IGF1: variants seen among roughly 807,000 people sequenced by gnomAD.
The protein encoded by IGF1 is insulin like growth factor 1.
IGF1 carries 4 observed loss-of-function variants against 13.8 expected under a neutral mutation model. The observed-to-expected ratio is 0.29, with a 90% confidence interval of 0.14 to 0.66. IGF1 has a LOEUF of 0.66. Ranked by LOEUF, IGF1 falls within the 30% of genes least tolerant of loss-of-function variation. The pLI, the probability that IGF1 is intolerant of heterozygous loss-of-function variation, is 0.78. For synonymous variants in IGF1, 76 were observed against 72.6 expected, an observed-to-expected ratio of 1.05 and a Z score of -0.23; for missense variants, 124 against 188.5, an observed-to-expected ratio of 0.66 and a Z score of 2.00.
intron 2 of IGF1, among the ~76,000 whole-genome samples, chr12:102,423,441 A>T (rs1875924661): frequency 6.6e-6 from 1 of 152,102 alleles, no homozygotes; most frequent in Non-Finnish European, 1.5e-5. Flanking sequence ...CAAAGTCTTG[A>T]CATTAAAAAT....
chr12:102,434,979 G>A (rs1049225702), intron 2 of IGF1, among the ~76,000 whole-genome samples: 2 of 152,192 alleles, frequency 1.3e-5, no homozygotes, highest in African/African-American at 4.8e-5. Context: ...CACAACCATG[G>A]ATAGAAAATA....
intron 2 of IGF1, among the ~76,000 whole-genome samples, chr12:102,436,482 T>C (rs1047106647): frequency 6.6e-6 from 1 of 152,180 alleles, no homozygotes; most frequent in Non-Finnish European, 1.5e-5. Context: ...AAACCTATCC[T>C]TCCTATGCCT....
At position 102,475,543 on chromosome 12, in the gene IGF1, C is replaced by T. The variant is rs146548772; in HGVS notation, c.220+100G>A. The stretch of plus-strand genomic sequence containing the variant: ...AGAGGCCTAGGATGGCTGCCAGATA[C>T]GGGCACTCATTCAGTTATTCACACA... On this transcript the variant is annotated intron_variant, in intron 2 of 3. Transcript: ENST00000337514. 89 of 1,341,714 alleles carry T rather than the reference C, an allele frequency of 6.6e-5. No homozygotes were observed. The East Asian group carries it at 1.3e-3, about 19-fold the overall frequency. 83.1% of individuals were successfully genotyped at this position (1,341,714 alleles called of 1,614,324 possible). A position where few individuals can be genotyped will look rare whatever the true frequency, so the allele number is the denominator to read the frequency against.
intron 2 of IGF1, chr12:102,463,080 C>G (rs1244918480): frequency 1.3e-5 from 2 of 152,144 alleles, no homozygotes; most frequent in East Asian, 3.8e-4. Context: ...TTATATGTTT[C>G]AGGAATAACA....
At chr12:102,462,057 C>G (rs1879939898) in intron 2 of IGF1, among the ~76,000 whole-genome samples, 1 of 152,138 alleles carries the variant, frequency 6.6e-6, no homozygotes, top group South Asian at 2.1e-4. Context: ...GGTCAGGGCC[C>G]CTGACTCTGC....
At chr12:102,458,747 A>AAAAAAAAAAAAAAAAAAAAAAAAG (rs1879655098) in intron 2 of IGF1, among the ~76,000 whole-genome samples, 1 of 146,452 alleles carries the variant, frequency 6.8e-6, no homozygotes, top group Admixed American at 6.9e-5. Context: ...AAAAAAAAAA[A>AAAAAAAAAAAAAAAAAAAAAAAAG]CCAAAAACAA....
At chr12:102,469,811 G>A (rs1490708103) in intron 2 of IGF1, among the ~76,000 whole-genome samples, 1 of 152,018 alleles carries the variant, frequency 6.6e-6, no homozygotes, top group African/African-American at 2.4e-5. Context: ...TTTGTCCCAT[G>A]AAGCAATAAT....
chr12:102,477,085 A>T (rs1239706045), intron 1 of IGF1, among the ~76,000 whole-genome samples: 2 of 151,932 alleles, frequency 1.3e-5, no homozygotes, highest in Non-Finnish European at 1.5e-5. Flanking sequence ...ATTTTTTTTG[A>T]ACCTCAGAGT....
At chr12:102,418,267 G>A (rs553445571) in intron 3 of IGF1, among the ~76,000 whole-genome samples, 1 of 152,216 alleles carries the variant, frequency 6.6e-6, no homozygotes, top group Admixed American at 6.5e-5. Context: ...CAGCAAGCAC[G>A]CTTTCCTGCC....
chr12:102,431,064 C>G (rs527707089), intron 2 of IGF1, among the ~76,000 whole-genome samples: 11 of 152,296 alleles, frequency 7.2e-5, no homozygotes, highest in South Asian at 2.1e-4. Context: ...TCATCTCCCC[C>G]ATCTGGGTTA....
intron 2 of IGF1, among the ~76,000 whole-genome samples, chr12:102,454,077 C>A (rs996572855): frequency 7.2e-5 from 11 of 152,078 alleles, no homozygotes; most frequent in Non-Finnish European, 1.5e-5. Flanking sequence ...TAGCCTAACA[C>A]CCAAACAACT....
At chr12:102,406,763 A>G (rs1204418737) in intron 3 of IGF1, among the ~76,000 whole-genome samples, 1 of 152,114 alleles carries the variant, frequency 6.6e-6, no homozygotes, top group Non-Finnish European at 1.5e-5. Flanking sequence ...CCAAGCTCCA[A>G]GCTTTCCTTT....
Position 102,427,240 on chromosome 12 carries a change from A to G in IGF1, c.221-7550T>C, listed in dbSNP as rs114072094. ...TTTTTAGAAAGACTGACACAACTGT[A>G]AGCTGAGACTGGCTCCAGCTTGGAG... On this transcript the variant is annotated intron_variant, in intron 2 of 3. Coordinates refer to ENST00000337514, the MANE Select transcript of IGF1 (RefSeq NM_000618.5). Among the ~76,000 whole-genome samples the G allele has an allele frequency of 9.6e-3, 1,456 of 152,198 alleles. 29 individuals are homozygous for G. Among genetic ancestry groups the G allele is most frequent in the African/African-American group, 0.034 (1,406 of 41,510 alleles).
intron 1 of IGF1, among the ~76,000 whole-genome samples, chr12:102,477,599 C>A (rs1160540420): frequency 1.3e-5 from 2 of 149,772 alleles, no homozygotes; most frequent in Non-Finnish European, 3.0e-5. Context: ...CATTGGAAAC[C>A]TCAACAAATC....
chr12:102,449,270 C>T (rs1878686662), intron 2 of IGF1, among the ~76,000 whole-genome samples: 1 of 151,792 alleles, frequency 6.6e-6, no homozygotes, highest in Admixed American at 6.6e-5. Context: ...AAGCTGAAAA[C>T]CATTCTCAGC....
rs17881987 is a variant in IGF1 at position 102,398,022 on chromosome 12, TA to T, written c.*4484del. 4,055 of 124,442 alleles carry T rather than the reference TA, an allele frequency of 0.033. 74 individuals carry two copies. Among genetic ancestry groups the T allele is most frequent in the African/African-American group, 0.049 (1,651 of 33,654 alleles). The allele number at this position is 124,442 out of a possible 1,614,324, so 7.7% of individuals were successfully genotyped here. A position where few individuals can be genotyped will look rare whatever the true frequency, so the allele number is the denominator to read the frequency against. ...TAACTTATTATTCCTCATTCTGATA[TA>T]AAAAAAGAAGAAAAGAACCAAGTCA... On this transcript the variant is annotated 3_prime_UTR_variant, in exon 4 of 4. Coordinates refer to ENST00000337514, the MANE Select transcript of IGF1 (RefSeq NM_000618.5).
At chr12:102,468,528 C>T (rs1244861085) in intron 2 of IGF1, among the ~76,000 whole-genome samples, 5 of 152,370 alleles carry the variant, frequency 3.3e-5, no homozygotes, top group Admixed American at 2.6e-4. Context: ...AGGCATACAA[C>T]TTACTGCAGT....
At chr12:102,462,048 G>T (rs1321166883) in intron 2 of IGF1, among the ~76,000 whole-genome samples, 1 of 152,160 alleles carries the variant, frequency 6.6e-6, no homozygotes, top group East Asian at 1.9e-4. Flanking sequence ...TTGGTTTGGG[G>T]TCAGGGCCCC....
intron 2 of IGF1, among the ~76,000 whole-genome samples, chr12:102,460,213 C>T (rs1489924222): frequency 6.6e-6 from 1 of 152,048 alleles, no homozygotes; most frequent in Non-Finnish European, 1.5e-5. Flanking sequence ...TTGGGTGGAC[C>T]AAACAAAACA....
Sources: gnomAD v4.1 joint callset for allele counts (sites outside exome capture counted in the v4.1 genomes callset) on GRCh38, gnomAD v4.1.1 for gene constraint, MANE v1.5 for transcripts, NCBI Gene and HGNC (gene_info 2026-07-23, HGNC 2026-07-21) for gene names.